NBEA: variants seen among roughly 807,000 people sequenced by gnomAD.
The protein encoded by NBEA is neurobeachin.
Under a neutral mutation model 343.4 loss-of-function variants are expected in NBEA, and 44 were observed. The observed-to-expected ratio is 0.13, with a 90% CI of 0.10 to 0.16. The LOEUF (loss-of-function observed/expected upper bound fraction) is 0.16. Ranked by LOEUF, NBEA falls within the 10% of genes least tolerant of loss-of-function variation. The probability of loss-of-function intolerance (pLI) is 1.00; values close to 1 mark genes in which losing one functional copy is unlikely to be tolerated. For missense variants in NBEA, 2,555 were observed against 3,631.3 expected (o/e 0.70, Z 7.62); for synonymous variants, 1,175 against 1,238.7 (o/e 0.95, Z 1.08).
Position 35,104,062 on chromosome 13 carries a change from T to G in NBEA, c.1681-5228T>G, listed in dbSNP as rs190640478. ...TTCATCTCTTCCCACTCTTCTTGCTTTCTCTATTTTAGGCAAAGGTCTTTT... is the reference window on the plus strand; with the variant it reads ...TTCATCTCTTCCCACTCTTCTTGCTGTCTCTATTTTAGGCAAAGGTCTTTT... On this transcript the variant is annotated intron_variant, in intron 11 of 58. Transcript: ENST00000379939. Among the ~76,000 whole-genome samples the G allele has an allele frequency of 1.5e-3, 225 of 151,992 alleles. 1 individual carries two copies. Among genetic ancestry groups the G allele is most frequent in the African/African-American group, 5.0e-3 (206 of 41,526 alleles).
intron 34 of NBEA, among the ~76,000 whole-genome samples, chr13:35,243,701 G>T (rs2030713847): frequency 6.6e-6 from 1 of 151,846 alleles, no homozygotes; most frequent in Admixed American, 6.6e-5. Flanking sequence ...CAAAGAAAAT[G>T]TAACAACTAT....
At chr13:35,207,667 A>G (rs909091756) in intron 31 of NBEA, among the ~76,000 whole-genome samples, 2 of 152,152 alleles carry the variant, frequency 1.3e-5, no homozygotes, top group East Asian at 3.9e-4. Context: ...TTTTTAAATG[A>G]AATACATTTA....
chr13:35,013,065 T>C (rs968943497), intron 1 of NBEA, among the ~76,000 whole-genome samples: 2 of 152,186 alleles, frequency 1.3e-5, no homozygotes, highest in Non-Finnish European at 2.9e-5. Flanking sequence ...AAACTAAATA[T>C]TTAAATGTTA....
intron 41 of NBEA, among the ~76,000 whole-genome samples, chr13:35,490,656 C>A (rs1397583470): frequency 6.6e-6 from 1 of 151,918 alleles, no homozygotes; most frequent in Non-Finnish European, 1.5e-5. Flanking sequence ...CATCTTTAAA[C>A]AAGACAAAGA....
At chr13:35,145,289 C>T (rs1308125277) in intron 18 of NBEA, among the ~76,000 whole-genome samples, 1 of 152,158 alleles carries the variant, frequency 6.6e-6, no homozygotes, top group Admixed American at 6.5e-5. Flanking sequence ...GTTGCTTCTT[C>T]GGTTGTAGAG....
At chr13:35,516,096 G>A (rs1007682862) in intron 41 of NBEA, among the ~76,000 whole-genome samples, 3 of 152,166 alleles carry the variant, frequency 2.0e-5, no homozygotes, top group Admixed American at 6.5e-5. Context: ...ATATGTTTCT[G>A]TGTGCTGGAC....
chr13:35,116,264 C>G (rs1482165617), intron 13 of NBEA, among the ~76,000 whole-genome samples: 1 of 152,190 alleles, frequency 6.6e-6, no homozygotes, highest in East Asian at 1.9e-4. Flanking sequence ...TACCAGCATA[C>G]CAATGGTTGA....
At chr13:34,986,016 T>C (rs1314263656) in intron 1 of NBEA, among the ~76,000 whole-genome samples, 1 of 150,848 alleles carries the variant, frequency 6.6e-6, no homozygotes, top group Non-Finnish European at 1.5e-5. Flanking sequence ...TTGAAGGGTT[T>C]TTTTGTGTCT....
intron 32 of NBEA, among the ~76,000 whole-genome samples, chr13:35,209,378 C>T (rs781027105): frequency 6.6e-6 from 1 of 152,120 alleles, no homozygotes; most frequent in Non-Finnish European, 1.5e-5. Flanking sequence ...CATTGTTTGA[C>T]GTTGAATTAA....
intron 32 of NBEA, among the ~76,000 whole-genome samples, chr13:35,209,479 T>C (rs894917048): frequency 6.6e-6 from 1 of 152,092 alleles, no homozygotes; most frequent in Non-Finnish European, 1.5e-5. Flanking sequence ...CAATTACAAA[T>C]ATTAAAAGTC....
chr13:35,338,874 T>C (rs1335617053), intron 36 of NBEA, among the ~76,000 whole-genome samples: 1 of 152,128 alleles, frequency 6.6e-6, no homozygotes, highest in Non-Finnish European at 1.5e-5. Flanking sequence ...TACACCATAT[T>C]GCTGAAATGA....
chr13:35,382,629 T>C (rs1029866941), intron 38 of NBEA, among the ~76,000 whole-genome samples: 1 of 152,186 alleles, frequency 6.6e-6, no homozygotes, highest in African/African-American at 2.4e-5. Flanking sequence ...CATTTCTACA[T>C]AAGCCTATAT....
intron 1 of NBEA, among the ~76,000 whole-genome samples, chr13:34,955,687 T>C (rs1398780619): frequency 6.6e-6 from 1 of 152,198 alleles, no homozygotes; most frequent in African/African-American, 2.4e-5. Flanking sequence ...TTTATTTCTT[T>C]TTGTAGAAAT....
At chr13:35,158,084 T>C (rs1276051072) in intron 21 of NBEA, among the ~76,000 whole-genome samples, 1 of 152,158 alleles carries the variant, frequency 6.6e-6, no homozygotes, top group Non-Finnish European at 1.5e-5. Context: ...TGATCATGGC[T>C]TTGTTTGAAT....
chr13:35,633,133 C>T (rs1429245072), intron 49 of NBEA, among the ~76,000 whole-genome samples: 1 of 151,678 alleles, frequency 6.6e-6, no homozygotes, highest in Non-Finnish European at 1.5e-5. Flanking sequence ...GACAGAGTCT[C>T]GCTCTGTCGC....
chr13:35,014,751 G>A (rs1423755777), intron 1 of NBEA, among the ~76,000 whole-genome samples: 2 of 151,832 alleles, frequency 1.3e-5, no homozygotes, highest in Admixed American at 1.3e-4. Context: ...AGACAAACAG[G>A]CCAATGTGGG....
chr13:35,121,027 T>A (rs1469011490), intron 16 of NBEA, among the ~76,000 whole-genome samples: 1 of 152,196 alleles, frequency 6.6e-6, no homozygotes, highest in African/African-American at 2.4e-5. Flanking sequence ...TCGAAGTTAT[T>A]CCTAGACAAT....
At chr13:35,109,192 T>C (rs2066065180) in intron 11 of NBEA, 98 bp from the exon 12 acceptor site, 1 of 1,013,026 alleles carries the variant, frequency 9.9e-7, no homozygotes, top group South Asian at 2.2e-5. Flanking sequence ...TTATTAGGGA[T>C]AGCATATGAA....
chr13:35,078,624 G>A (rs924792769), intron 10 of NBEA, among the ~76,000 whole-genome samples: 1 of 152,114 alleles, frequency 6.6e-6, no homozygotes, highest in African/African-American at 2.4e-5. Flanking sequence ...TAAGTCTTTG[G>A]CCATAGGCAA....
Sources: gnomAD v4.1 joint callset for allele counts (sites outside exome capture counted in the v4.1 genomes callset) on GRCh38, gnomAD v4.1.1 for gene constraint, MANE v1.5 for transcripts, NCBI Gene and HGNC (gene_info 2026-07-23, HGNC 2026-07-21) for gene names.